Variants in ZFPM2 observed in about 807,000 individuals in gnomAD.
The protein encoded by ZFPM2 is zinc finger protein, FOG family member 2.
ZFPM2 carries 20 observed loss-of-function variants against 98.6 expected under a neutral mutation model. That is an observed-to-expected ratio of 0.20 (90% CI 0.14 to 0.29). The LOEUF is 0.29. ZFPM2 is among the 10% of genes least tolerant of loss of function. ZFPM2 has a pLI of 1.00. For missense variants in ZFPM2, 1,310 were observed against 1,388.6 expected (o/e 0.94, Z 0.90); for synonymous variants, 518 against 502.7 (o/e 1.03, Z -0.41).
chr8:105,793,237 C>G (rs886294762), intron 6 of ZFPM2, among the ~76,000 whole-genome samples: 1 of 151,992 alleles, frequency 6.6e-6, no homozygotes, highest in Non-Finnish European at 1.5e-5. Flanking sequence ...TTGTTCCTTT[C>G]CATGTTTAGT....
chr8:105,799,045 G>T, intron 7 of ZFPM2, 97 bp downstream of exon 7: 2 of 1,131,872 alleles, frequency 1.8e-6, no homozygotes, highest in East Asian at 5.0e-5. Context: ...CTGTCTATCT[G>T]TAGCTATCTA....
At chr8:105,382,198 T>C (rs1386043747) in intron 1 of ZFPM2, among the ~76,000 whole-genome samples, 1 of 152,124 alleles carries the variant, frequency 6.6e-6, no homozygotes, top group Non-Finnish European at 1.5e-5. Flanking sequence ...ATACTTCTAT[T>C]ATTTCTATCT....
At chr8:105,404,561 A>G (rs1811403925) in intron 1 of ZFPM2, among the ~76,000 whole-genome samples, 1 of 152,068 alleles carries the variant, frequency 6.6e-6, no homozygotes, top group Non-Finnish European at 1.5e-5. Flanking sequence ...AAGTACTTTT[A>G]CCAAATTTAA....
chr8:105,797,579 A>G (rs1813870395), intron 6 of ZFPM2, among the ~76,000 whole-genome samples: 2 of 152,098 alleles, frequency 1.3e-5, no homozygotes, highest in Admixed American at 6.6e-5. Flanking sequence ...CCTGCCTCCT[A>G]CAGCCTCTTC....
At chr8:105,336,514 T>G (rs1812327655) in intron 1 of ZFPM2, among the ~76,000 whole-genome samples, 1 of 151,744 alleles carries the variant, frequency 6.6e-6, no homozygotes, top group Admixed American at 6.6e-5. Context: ...TTGTTTGTAG[T>G]TGACGTAAGT....
chr8:105,517,642 G>A (rs1813956289), intron 3 of ZFPM2, among the ~76,000 whole-genome samples: 1 of 151,296 alleles, frequency 6.6e-6, no homozygotes, highest in Non-Finnish European at 1.5e-5. Context: ...TTCAGGGCAG[G>A]AGTTTGAGAC....
intron 1 of ZFPM2, among the ~76,000 whole-genome samples, chr8:105,410,962 C>A (rs1811564801): frequency 6.6e-6 from 1 of 151,826 alleles, no homozygotes; most frequent in Non-Finnish European, 1.5e-5. Flanking sequence ...TTCAAGATGA[C>A]TTCTAGCAGG....
chr8:105,570,589 G>T (rs1425074075), intron 4 of ZFPM2, among the ~76,000 whole-genome samples: 1 of 152,150 alleles, frequency 6.6e-6, no homozygotes, highest in African/African-American at 2.4e-5. Flanking sequence ...GTATTGAAAT[G>T]AAAACCTGAA....
chr8:105,377,869 A>G (rs1810762791), intron 1 of ZFPM2, among the ~76,000 whole-genome samples: 1 of 152,116 alleles, frequency 6.6e-6, no homozygotes, highest in Non-Finnish European at 1.5e-5. Context: ...CAGACTATAT[A>G]TACTTCCCTC....
chr8:105,484,378 T>C (rs961156183), intron 3 of ZFPM2, among the ~76,000 whole-genome samples: 16 of 152,066 alleles, frequency 1.1e-4, no homozygotes, highest in African/African-American at 2.4e-5. Flanking sequence ...AGGTTTTAAT[T>C]TAAATATATT....
At chr8:105,611,789 C>G (rs959136906) in intron 4 of ZFPM2, among the ~76,000 whole-genome samples, 46 of 151,690 alleles carry the variant, frequency 3.0e-4, no homozygotes, top group Non-Finnish European at 8.8e-5. Context: ...ACTTCCACCT[C>G]CCGGGTTCAA....
At chr8:105,381,499 TG>T (rs1810888821) in intron 1 of ZFPM2, among the ~76,000 whole-genome samples, 1 of 152,082 alleles carries the variant, frequency 6.6e-6, no homozygotes, top group African/African-American at 2.4e-5. Flanking sequence ...GTCCTGCTTT[TG>T]TGAACTCTCC....
intron 1 of ZFPM2, among the ~76,000 whole-genome samples, chr8:105,399,468 C>T (rs996058641): frequency 3.3e-5 from 5 of 152,090 alleles, no homozygotes; most frequent in African/African-American, 9.7e-5. Flanking sequence ...GGATCAATTA[C>T]GACTCCTCAC....
intron 3 of ZFPM2, among the ~76,000 whole-genome samples, chr8:105,491,770 T>C (rs1159585231): frequency 6.6e-6 from 1 of 152,180 alleles, no homozygotes; most frequent in Non-Finnish European, 1.5e-5. Flanking sequence ...CAGGATAGAA[T>C]AGTGAATTTA....
intron 5 of ZFPM2, among the ~76,000 whole-genome samples, chr8:105,724,741 T>A (rs1162313440): frequency 6.6e-6 from 1 of 151,844 alleles, no homozygotes; most frequent in Non-Finnish European, 1.5e-5. Context: ...TTTGAGTAAG[T>A]TTTGATAAAT....
At chr8:105,710,690 TGTGTGTGTGTGTATGTGTGTGTGGGGGG>T (rs906053758) in intron 5 of ZFPM2, among the ~76,000 whole-genome samples, 3 of 151,096 alleles carry the variant, frequency 2.0e-5, no homozygotes, top group African/African-American at 7.3e-5. Context: ...TGTGTGTGTG[TGTGTGTGTGTGTATGTGTGTGTGGGGGG>T]GTGTATGTGT....
chr8:105,375,232 T>C (rs1287008545), intron 1 of ZFPM2, among the ~76,000 whole-genome samples: 1 of 152,268 alleles, frequency 6.6e-6, no homozygotes, highest in Non-Finnish European at 1.5e-5. Flanking sequence ...TGTACCACAC[T>C]TGAGAAAGGA....
intron 3 of ZFPM2, among the ~76,000 whole-genome samples, chr8:105,536,924 T>C (rs1334839250): frequency 1.3e-5 from 2 of 152,144 alleles, no homozygotes; most frequent in East Asian, 3.9e-4. Context: ...ATATTTTTCT[T>C]GCTACCTTGT....
At chr8:105,480,571 CTATT>C (rs1210269578) in intron 3 of ZFPM2, among the ~76,000 whole-genome samples, 2 of 152,056 alleles carry the variant, frequency 1.3e-5, no homozygotes, top group Non-Finnish European at 2.9e-5. Flanking sequence ...TAATCAAAAA[CTATT>C]TATTGAACTT....
Sources: allele counts gnomAD v4.1 joint callset (sites outside exome capture counted in the v4.1 genomes callset), GRCh38; gene constraint gnomAD v4.1.1; transcripts MANE v1.5; gene names NCBI Gene and HGNC (gene_info 2026-07-23, HGNC 2026-07-21).